The following CENPU variants were observed in gnomAD, a reference collection of about 807,000 sequenced individuals.
The protein encoded by CENPU is centromere protein U.
A neutral mutation model predicts 56.7 loss-of-function variants in CENPU; 46 were observed. The observed-to-expected ratio is 0.81, with a 90% CI of 0.64 to 1.04. The LOEUF (loss-of-function observed/expected upper bound fraction) is 1.04. Among genes scored for constraint, CENPU ranks in the 50% least tolerant of loss-of-function variants. The probability of loss-of-function intolerance (pLI) is 0.00; values close to 1 mark genes in which losing one functional copy is unlikely to be tolerated. For missense variants in CENPU, 510 were observed against 490.1 expected, an observed-to-expected ratio of 1.04 and a Z score of -0.38; for synonymous variants, 166 against 163.0, an observed-to-expected ratio of 1.02 and a Z score of -0.14.
At chr4:184,703,182 C>T (rs4264873) in intron 8 of CENPU, among the ~76,000 whole-genome samples, 27,148 of 152,206 alleles carry the variant, frequency 0.18, 2,730 homozygotes, top group African/African-American at 0.26. Flanking sequence ...TGACCAACCT[C>T]ACAGGTGATA....
At position 184,716,618 on chromosome 4, in the gene CENPU, T is replaced by A; in HGVS notation, c.397A>T (p.Arg133Trp). 6.2e-7 allele frequency: 1 copy of A among 1,613,740 alleles called. No individual in the cohort carries two copies. Among genetic ancestry groups the A allele is most frequent in the South Asian group, 1.1e-5 (1 of 91,048 alleles). ...ISAKKPGRKL[R>W]PISDDSESIE... Reference sequence around the variant, plus strand: ...CTTTCAGAGTCATCACTAATGGGCCTGAGCTTTCTTCCTGGCTGTGTGAAA... The same window carrying A: ...CTTTCAGAGTCATCACTAATGGGCCAGAGCTTTCTTCCTGGCTGTGTGAAA... The change falls in exon 6 of 13, where the codon AGG (arginine) becomes TGG (tryptophan). Residue 133 changes from arginine to tryptophan, a missense_variant. By Grantham distance (101) the Arg-to-Trp change is moderately radical. Transcript: ENST00000281453.
chr4:184,731,731 G>A (rs1190372541), intron 1 of CENPU, among the ~76,000 whole-genome samples: 1 of 152,138 alleles, frequency 6.6e-6, no homozygotes, highest in Non-Finnish European at 1.5e-5. Context: ...ATGCCATGCA[G>A]ATTGCAGCCA....
At chr4:184,695,443 A>C in intron 12 of CENPU, 42 bp from the exon 13 acceptor site, 1 of 1,419,778 alleles carries the variant, frequency 7.0e-7, no homozygotes, top group South Asian at 1.2e-5. Flanking sequence ...TCAAAAACTC[A>C]TAACCTTGTC....
rs1761619391 is a variant in CENPU at position 184,730,944 on chromosome 4, T to C, written c.72A>G (p.Leu24=). ...CATCTTTCATGGAATGTGTTCTTTC[T>C]AAAGTGTTCTTTGAACGTCTTGCGC... ...SEGARRSKNT[L]ERTHSMKDKA... Residue 24 remains leucine (L), a synonymous_variant, in exon 2 of 13, where the codon TTA becomes TTG. Coordinates refer to ENST00000281453, the MANE Select transcript of CENPU (RefSeq NM_024629.4). 1 of 1,581,948 alleles carries C rather than the reference T, an allele frequency of 6.3e-7. No individual in the cohort carries two copies. Among genetic ancestry groups the C allele is most frequent in the Non-Finnish European group, 8.5e-7 (1 of 1,170,968 alleles).
Position 184,694,571 on chromosome 4 carries a change from C to T in CENPU, c.*717G>A. The T allele has an allele frequency of 2.5e-6, 4 of 1,614,030 alleles. No homozygotes were observed. Among genetic ancestry groups the T allele is most frequent in the Non-Finnish European group, 3.4e-6 (4 of 1,179,934 alleles). On this transcript the variant is annotated 3_prime_UTR_variant, in exon 13 of 13. Coordinates refer to ENST00000281453, the MANE Select transcript of CENPU (RefSeq NM_024629.4). ...GCAGATGAAACTAGGAGCAATGAAA[C>T]CCAGAATCCTCATAAACCATCACCT...
At chr4:184,719,293 C>T (rs1344938827) in intron 4 of CENPU, among the ~76,000 whole-genome samples, 1 of 152,200 alleles carries the variant, frequency 6.6e-6, no homozygotes, top group Non-Finnish European at 1.5e-5. Flanking sequence ...ACCACCCCTT[C>T]CCCATCTCCC....
Position 184,695,295 on chromosome 4 carries a change from T to C in CENPU, c.1250A>G (p.Gln417Arg). Residue 417 changes from glutamine to arginine, a missense_variant, in exon 13 of 13, where the codon CAG becomes CGG. By Grantham distance (43) the Gln-to-Arg change is conservative (BLOSUM62 1). Coordinates refer to ENST00000281453, the MANE Select transcript of CENPU (RefSeq NM_024629.4). ...INHQLEKLLD[Q>R]G ...TTTAGTAGACTGCTCTTCTCATCCC[T>C]GGTCAAGGAGCTTCTCTAACTGATG... 1 of 1,611,126 alleles carries C rather than the reference T, an allele frequency of 6.2e-7. No homozygotes were observed. Among genetic ancestry groups the C allele is most frequent in the Non-Finnish European group, 8.5e-7 (1 of 1,177,428 alleles).
In CENPU at chr4:184,712,119, C is replaced by CAAAAAAAA. The variant is rs10650384; in HGVS notation, c.688+817_688+824dup. Among the ~76,000 whole-genome samples, 723 of 80,548 alleles carry CAAAAAAAA rather than the reference C, an allele frequency of 9.0e-3. 13 individuals are homozygous for CAAAAAAAA. Among genetic ancestry groups the CAAAAAAAA allele is most frequent in the Non-Finnish European group, 0.013 (515 of 41,156 alleles). The allele number at this position is 80,548 out of a possible 152,430, so 52.8% of individuals were successfully genotyped here. ...CTGGCAACAGAGCAAGACTCAGTCT[C>CAAAAAAAA]AAAAAAAAAAAAAAAAAAAGTTCAC... On this transcript the variant is annotated intron_variant, in intron 7 of 12. Coordinates refer to ENST00000281453, the MANE Select transcript of CENPU (RefSeq NM_024629.4).
intron 7 of CENPU, among the ~76,000 whole-genome samples, chr4:184,711,257 G>C (rs925012175): frequency 1.3e-5 from 2 of 152,196 alleles, no homozygotes; most frequent in Admixed American, 6.5e-5. Context: ...TTTTAGGGGG[G>C]TGGGTGGATT....
chr4:184,702,040 C>T lies in CENPU; in HGVS notation c.924+49G>A, dbSNP rs553511709. 1,066 of 1,207,378 alleles carry T rather than the reference C, an allele frequency of 8.8e-4. 16 individuals are homozygous for T. The South Asian group carries it at 0.013, about 14-fold the overall frequency. 74.8% of individuals were successfully genotyped at this position (1,207,378 alleles called of 1,614,324 possible). ...AGAGTCAAGTCTTCGCATAACTCTA[C>T]ATTAGTATTGTGTTTGACTCTATGA... On this transcript the variant is annotated intron_variant, in intron 10 of 12. Transcript: ENST00000281453.
Position 184,694,701 on chromosome 4 carries a change from A to G in CENPU, c.*587T>C. The G allele has an allele frequency of 2.5e-6, 4 of 1,613,888 alleles. No individual in the cohort carries two copies. The highest frequency in any genetic ancestry group is 1.7e-4 in the Middle Eastern group (1 of 6,060). On this transcript the variant is annotated 3_prime_UTR_variant, in exon 13 of 13. Transcript: ENST00000281453. ...AAGATGCTGAATTAGCTGAAGCTGC[A>G]GAGAACAGTCTTCTCAGTTATAACA...
intron 1 of CENPU, 130 bp downstream of exon 1, chr4:184,733,886 G>A (rs2150236597): frequency 8.1e-7 from 1 of 1,232,560 alleles, no homozygotes. Flanking sequence ...CCGGGGACCC[G>A]GGCGATTGGC....
At chr4:184,724,494 T>C (rs971637141) in intron 4 of CENPU, among the ~76,000 whole-genome samples, 2 of 152,230 alleles carry the variant, frequency 1.3e-5, no homozygotes, top group African/African-American at 4.8e-5. Context: ...TCTGGACCTA[T>C]AGCTTCACAT....
At chr4:184,702,585 AT>A in intron 8 of CENPU, 144 bp from the exon 9 acceptor site, 1 of 542,778 alleles carries the variant, frequency 1.8e-6, no homozygotes, top group Non-Finnish European at 3.1e-6. Context: ...CTTATTTTTA[AT>A]AATCTCAATG....
At chr4:184,733,726 C>CT (rs1287531740) in intron 1 of CENPU, among the ~76,000 whole-genome samples, 1 of 152,226 alleles carries the variant, frequency 6.6e-6, no homozygotes, top group Non-Finnish European at 1.5e-5. Flanking sequence ...CAAGCTAGCA[C>CT]TTTGAGACTC....
chr4:184,703,477 T>G (rs1020976298), intron 8 of CENPU, among the ~76,000 whole-genome samples: 2 of 152,014 alleles, frequency 1.3e-5, no homozygotes, highest in Non-Finnish European at 2.9e-5. Context: ...AGATGGCTAT[T>G]ATTAAAAAAA....
chr4:184,718,591 A>C (rs1018945965), intron 4 of CENPU, among the ~76,000 whole-genome samples: 4 of 152,340 alleles, frequency 2.6e-5, no homozygotes, highest in Admixed American at 2.6e-4. Context: ...CAAGGAGGCC[A>C]GACAGGAAAC....
chr4:184,697,698 AAGCTGTT>A lies in CENPU; in HGVS notation c.1085_1091del (p.Lys362IlefsTer15). 1 of 1,613,244 alleles carries A rather than the reference AAGCTGTT, an allele frequency of 6.2e-7. No homozygotes were observed. The highest frequency in any genetic ancestry group is 8.5e-7 in the Non-Finnish European group (1 of 1,179,638). On this transcript the variant is annotated frameshift_variant, in exon 12 of 13. Transcript: ENST00000281453. LOFTEE classifies it high-confidence loss of function. ...CTTGAACATCTGAATAATCTTGATA[AAGCTGTT>A]TTAAATTAGATAAGAAATATGCTGC...
intron 6 of CENPU, among the ~76,000 whole-genome samples, 178 bp downstream of exon 6, chr4:184,716,219 G>C (rs1761088996): frequency 6.6e-6 from 1 of 152,100 alleles, no homozygotes; most frequent in African/African-American, 2.4e-5. Flanking sequence ...ACAGGCATGA[G>C]CCACCTCGCC....
Sources: allele counts gnomAD v4.1 joint callset (sites outside exome capture counted in the v4.1 genomes callset), GRCh38; gene constraint gnomAD v4.1.1; transcripts MANE v1.5; gene names NCBI Gene and HGNC (gene_info 2026-07-23, HGNC 2026-07-21).